KIAA1217: variants seen among roughly 807,000 people sequenced by gnomAD.
KIAA1217 encodes the protein KIAA1217.
KIAA1217 carries 88 observed loss-of-function variants against 163.9 expected under a neutral mutation model. That is an observed-to-expected ratio of 0.54 (90% confidence interval 0.45 to 0.64). The LOEUF (loss-of-function observed/expected upper bound fraction) is 0.64, where lower values mean the gene tolerates loss of function less well. Ranked by LOEUF, KIAA1217 falls within the 30% of genes least tolerant of loss-of-function variation. The probability of loss-of-function intolerance (pLI) is 0.00; values close to 1 mark genes in which losing one functional copy is unlikely to be tolerated. For missense variants in KIAA1217, 2,372 were observed against 2,475.0 expected, an observed-to-expected ratio of 0.96 and a Z score of 0.88; for synonymous variants, 903 against 923.1, an observed-to-expected ratio of 0.98 and a Z score of 0.39.
chr10:24,490,332 T>A (rs1285145008), intron 6 of KIAA1217, among the ~76,000 whole-genome samples: 1 of 152,236 alleles, frequency 6.6e-6, no homozygotes, highest in African/African-American at 2.4e-5. Context: ...AATATTCTGA[T>A]GATGAGCATG....
intron 1 of KIAA1217, among the ~76,000 whole-genome samples, chr10:23,766,578 TC>T (rs1305321492): frequency 6.1e-5 from 9 of 148,464 alleles, no homozygotes; most frequent in Admixed American, 2.0e-4. Context: ...CTTTTTTTTT[TC>T]TTTCTTTCTT....
intron 3 of KIAA1217, among the ~76,000 whole-genome samples, chr10:24,404,491 C>T (rs192149747): frequency 9.7e-5 from 14 of 144,404 alleles, no homozygotes; most frequent in Admixed American, 2.9e-4. Flanking sequence ...CTCTTGAACC[C>T]GGGAGGCAGA....
At chr10:24,311,551 A>G (rs79816564) in intron 2 of KIAA1217, among the ~76,000 whole-genome samples, 51 of 152,314 alleles carry the variant, frequency 3.3e-4, no homozygotes, top group African/African-American at 1.2e-3. Flanking sequence ...TGAATCAATG[A>G]TGTGACCACA....
intron 1 of KIAA1217, among the ~76,000 whole-genome samples, chr10:23,869,172 T>G (rs1236280369): frequency 6.8e-6 from 1 of 147,810 alleles, no homozygotes; most frequent in African/African-American, 2.5e-5. Flanking sequence ...TAGCATATAT[T>G]TTGAAGTAAC....
At chr10:23,982,243 G>A (rs1030828203) in intron 1 of KIAA1217, among the ~76,000 whole-genome samples, 3 of 152,140 alleles carry the variant, frequency 2.0e-5, no homozygotes, top group African/African-American at 7.2e-5. Context: ...AAGAAACTGG[G>A]TATCAGGGAA....
intron 3 of KIAA1217, among the ~76,000 whole-genome samples, chr10:24,406,305 A>G (rs2057205137): frequency 6.6e-6 from 1 of 152,202 alleles, no homozygotes; most frequent in Non-Finnish European, 1.5e-5. Context: ...CCACAAATCT[A>G]TGGATGTCCT....
At position 24,361,351 on chromosome 10, in the gene KIAA1217, C is replaced by T. The variant is rs1479935731; in HGVS notation, c.355-19518C>T. Among the ~76,000 whole-genome samples the T allele has an allele frequency of 4.6e-5, 7 of 151,934 alleles. No individual in the cohort carries two copies. The South Asian group carries it at 6.2e-4, about 14-fold the overall frequency. On this transcript the variant is annotated intron_variant, in intron 2 of 20. Transcript: ENST00000376454. The stretch of plus-strand genomic sequence containing the variant: ...TGCAGGCAGACGCCACCATGCCTGG[C>T]GAATTTTTGTATTATTTGTAGAGAT...
intron 1 of KIAA1217, among the ~76,000 whole-genome samples, chr10:23,940,196 A>C (rs1223066735): frequency 6.6e-6 from 1 of 152,036 alleles, no homozygotes; most frequent in Non-Finnish European, 1.5e-5. Context: ...GCAGTGGCTC[A>C]CGCCTGTAAT....
At chr10:23,715,788 C>T (rs1837532312) in intron 1 of KIAA1217, among the ~76,000 whole-genome samples, 1 of 152,046 alleles carries the variant, frequency 6.6e-6, no homozygotes, top group Non-Finnish European at 1.5e-5. Flanking sequence ...ATTAAACTTG[C>T]CCGTGAAAGA....
chr10:23,974,095 T>C (rs1250964287), intron 1 of KIAA1217, among the ~76,000 whole-genome samples: 1 of 152,200 alleles, frequency 6.6e-6, no homozygotes, highest in African/African-American at 2.4e-5. Flanking sequence ...AAAACACAGA[T>C]GTAGAGGACT....
At chr10:23,902,341 G>T (rs1003280294) in intron 1 of KIAA1217, among the ~76,000 whole-genome samples, 1 of 151,974 alleles carries the variant, frequency 6.6e-6, no homozygotes, top group African/African-American at 2.4e-5. Flanking sequence ...GGCACATCGA[G>T]GGGAACAGCA....
intron 1 of KIAA1217, among the ~76,000 whole-genome samples, chr10:23,847,665 C>A (rs1839108183): frequency 6.6e-6 from 1 of 152,122 alleles, no homozygotes; most frequent in South Asian, 2.1e-4. Context: ...TTCAAAAAAT[C>A]AGCTCTTGCA....
In KIAA1217 at chr10:24,101,774, A is replaced by C. The variant is rs543331845; in HGVS notation, c.-171+94400A>C. Among the ~76,000 whole-genome samples, 38 of 152,116 alleles carry C rather than the reference A, an allele frequency of 2.5e-4. No individual in the cohort carries two copies. The South Asian group carries it at 5.4e-3, about 22-fold the overall frequency. On this transcript the variant is annotated intron_variant, in intron 2 of 18. Transcript: ENST00000376462. The stretch of plus-strand genomic sequence containing the variant: ...GGAAATTAGTCATCTTGTGCTTTTC[A>C]TTGTGTTTTGGTTCTGGTTTTGCTT...
At chr10:24,470,662 G>A (rs1222949709) in intron 5 of KIAA1217, among the ~76,000 whole-genome samples, 1 of 152,080 alleles carries the variant, frequency 6.6e-6, no homozygotes, top group Non-Finnish European at 1.5e-5. Context: ...TAATTGTGAG[G>A]GAGGAGCCTG....
At chr10:23,752,250 G>A (rs1449759220) in intron 1 of KIAA1217, among the ~76,000 whole-genome samples, 1 of 152,198 alleles carries the variant, frequency 6.6e-6, no homozygotes, top group Non-Finnish European at 1.5e-5. Context: ...TATTATGTGG[G>A]AGGGGGATTT....
intron 1 of KIAA1217, among the ~76,000 whole-genome samples, chr10:23,725,551 A>G (rs550553082): frequency 6.2e-4 from 95 of 152,342 alleles, no homozygotes; most frequent in Non-Finnish European, 8.8e-4. Flanking sequence ...TATCAGATCT[A>G]TGAGAATATG....
chr10:24,230,664 A>G (rs939132261), intron 2 of KIAA1217, among the ~76,000 whole-genome samples: 1 of 151,830 alleles, frequency 6.6e-6, no homozygotes, highest in Non-Finnish European at 1.5e-5. Flanking sequence ...GGTGCCTGCA[A>G]CCACTCCTGG....
intron 2 of KIAA1217, among the ~76,000 whole-genome samples, chr10:24,171,633 C>T (rs944295327): frequency 7.9e-5 from 12 of 151,950 alleles, no homozygotes; most frequent in African/African-American, 2.7e-4. Flanking sequence ...GGAGAAACCC[C>T]GTCTCTACTA....
intron 1 of KIAA1217, among the ~76,000 whole-genome samples, chr10:23,978,377 C>T (rs2131406644): frequency 6.6e-6 from 1 of 152,246 alleles, no homozygotes; most frequent in East Asian, 1.9e-4. Flanking sequence ...TGGTCAGAGA[C>T]ATAATTATTT....
Sources: gnomAD v4.1 joint callset for allele counts (sites outside exome capture counted in the v4.1 genomes callset) on GRCh38, gnomAD v4.1.1 for gene constraint, MANE v1.5 for transcripts, NCBI Gene and HGNC (gene_info 2026-07-23, HGNC 2026-07-21) for gene names.